The following ADGRB1 variants were observed in gnomAD, a reference collection of about 807,000 sequenced individuals.
ADGRB1 encodes adhesion G protein-coupled receptor B1.
Under a neutral mutation model 175.7 loss-of-function variants are expected in ADGRB1, and 36 were observed. The ratio of observed to expected loss-of-function variants is 0.20; its 90% CI spans 0.16 to 0.27. The LOEUF is 0.27. ADGRB1 is among the 10% of genes least tolerant of loss of function. The pLI, the probability that ADGRB1 is intolerant of heterozygous loss-of-function variation, is 1.00. For synonymous variants in ADGRB1, 1,054 were observed against 979.4 expected, an observed-to-expected ratio of 1.08 and a Z score of -1.42; for missense variants, 1,731 against 2,255.3, an observed-to-expected ratio of 0.77 and a Z score of 4.71.
chr8:142,523,384 A>G (rs1180233384), intron 22 of ADGRB1, among the ~76,000 whole-genome samples: 2 of 105,946 alleles, frequency 1.9e-5, no homozygotes, highest in African/African-American at 7.7e-5. Context: ...GGAGGAAGTG[A>G]CTGATGCTGG....
At chr8:142,467,667 G>GA (rs1840355121) in intron 2 of ADGRB1, among the ~76,000 whole-genome samples, 2 of 152,180 alleles carry the variant, frequency 1.3e-5, no homozygotes, top group African/African-American at 4.8e-5. Context: ...ATGGATGCTT[G>GA]AAAATAGCTT....
At chr8:142,460,183 G>GT (rs1162478242) in intron 1 of ADGRB1, among the ~76,000 whole-genome samples, 1 of 152,238 alleles carries the variant, frequency 6.6e-6, no homozygotes, top group Non-Finnish European at 1.5e-5. Flanking sequence ...GGGTGGCCCC[G>GT]TTGGAGGGTG....
Position 142,464,536 on chromosome 8 carries a change from C to T in ADGRB1, c.338C>T (p.Thr113Ile). The change falls in exon 2 of 31, where the codon ACC (threonine) becomes ATC (isoleucine). Residue 113 changes from threonine (T) to isoleucine (I), a missense_variant. Transcript: ENST00000517894. ...QFDSFLESTRTYLGVESFDEV... is the reference protein window; with the variant it reads ...QFDSFLESTRIYLGVESFDEV... Reference sequence around the variant, plus strand: ...GACTCCTTCCTCGAGTCCACGCGCACCTACCTGGGCGTGGAGAGCTTCGAC... The same window carrying T: ...GACTCCTTCCTCGAGTCCACGCGCATCTACCTGGGCGTGGAGAGCTTCGAC... 1 of 1,566,882 alleles carries T rather than the reference C, an allele frequency of 6.4e-7. No homozygotes were observed. Among genetic ancestry groups the T allele is most frequent in the Non-Finnish European group, 8.6e-7 (1 of 1,159,186 alleles).
chr8:142,452,264 T>A (rs566070039), intron 1 of ADGRB1, among the ~76,000 whole-genome samples: 1 of 152,180 alleles, frequency 6.6e-6, no homozygotes, highest in Admixed American at 6.5e-5. Flanking sequence ...AGCCCAGGGA[T>A]GCGCCAGAGA....
rs554107403 is a variant in ADGRB1, at chr8:142,475,692, G to A, written c.946+57G>A. ...GCCCTGGAGAGGCGGGGCCTGTGAG[G>A]GAGGAGAGGGGGGTGGGGCCCTGGA... is the stretch of plus-strand genomic sequence containing the variant. On this transcript the variant is annotated intron_variant, in intron 3 of 30. Coordinates refer to ENST00000517894, the MANE Select transcript of ADGRB1 (RefSeq NM_001702.3). 19 of 1,211,330 alleles carry A rather than the reference G, an allele frequency of 1.6e-5. No individual in the cohort carries two copies. In the African/African-American group the frequency reaches 2.1e-4, roughly 14 times the overall value. 75.0% of individuals were successfully genotyped at this position (1,211,330 alleles called of 1,614,324 possible).
intron 1 of ADGRB1, among the ~76,000 whole-genome samples, chr8:142,452,430 G>C (rs1383616849): frequency 6.6e-6 from 1 of 152,174 alleles, no homozygotes; most frequent in East Asian, 1.9e-4. Flanking sequence ...CACTCATCCG[G>C]ATCCCGGGCT....
intron 17 of ADGRB1, among the ~76,000 whole-genome samples, chr8:142,505,099 G>T (rs536049566): frequency 6.6e-6 from 1 of 152,132 alleles, no homozygotes; most frequent in Non-Finnish European, 1.5e-5. Context: ...CGCCCTCCCC[G>T]TCACTGTCCC....
chr8:142,467,235 G>C (rs1483838339), intron 2 of ADGRB1, among the ~76,000 whole-genome samples: 1 of 152,244 alleles, frequency 6.6e-6, no homozygotes, highest in Admixed American at 6.5e-5. Flanking sequence ...AAGGGCCTTA[G>C]CAGGGCTTTG....
chr8:142,484,829 G>A (rs1841577891), intron 13 of ADGRB1, 65 bp downstream of exon 13: 8 of 1,256,844 alleles, frequency 6.4e-6, no homozygotes, highest in Middle Eastern at 1.9e-4. Flanking sequence ...AGGCCCTTCT[G>A]CCTCAGCATC....
intron 27 of ADGRB1, chr8:142,539,700 G>T: frequency 1.8e-6 from 1 of 549,820 alleles, no homozygotes; most frequent in South Asian, 2.2e-5. Flanking sequence ...CCTGTGGAGC[G>T]CCTGGCTGCG....
chr8:142,459,647 T>C (rs531130419), intron 1 of ADGRB1, among the ~76,000 whole-genome samples: 3 of 152,336 alleles, frequency 2.0e-5, no homozygotes, highest in Admixed American at 2.0e-4. Flanking sequence ...TGTGTGTTCA[T>C]GCTCACATAT....
intron 3 of ADGRB1, among the ~76,000 whole-genome samples, chr8:142,475,896 C>CGGGGCTGGCCCGGGGGAGTG (rs1840944199): frequency 6.9e-6 from 1 of 145,216 alleles, no homozygotes; most frequent in Non-Finnish European, 1.5e-5. Context: ...GACCTAAACT[C>CGGGGCTGGCCCGGGGGAGTG]GGGGCTGGCC....
intron 1 of ADGRB1, among the ~76,000 whole-genome samples, chr8:142,450,601 G>C (rs1278519557): frequency 6.6e-6 from 1 of 150,818 alleles, no homozygotes; most frequent in Non-Finnish European, 1.5e-5. Context: ...TGCTAATCAC[G>C]TCCAGGGCCC....
Position 142,489,448 on chromosome 8 carries a change from G to A in ADGRB1, c.2631+10G>A, listed in dbSNP as rs749030603. 2.1e-5 allele frequency: 34 copies of A among 1,610,152 alleles called. No individual in the cohort carries two copies. The highest frequency in any genetic ancestry group is 2.5e-5 in the Non-Finnish European group (29 of 1,177,626). ...TGCCCACATGTATAATGTGAGTGCC[G>A]TCCACGTGCACACTCTGATGCCAGC... is the stretch of plus-strand genomic sequence containing the variant. On this transcript the variant is annotated intron_variant, in intron 16 of 30. Transcript: ENST00000517894.
intron 13 of ADGRB1, among the ~76,000 whole-genome samples, chr8:142,487,493 G>A (rs112440586): frequency 4.6e-5 from 7 of 152,256 alleles, no homozygotes; most frequent in East Asian, 1.9e-4. Context: ...CATCCGTGCC[G>A]CCCACTGCAT....
rs979009456 is a variant in ADGRB1 at position 142,520,676 on chromosome 8, G to A, written c.2922-147G>A. ...ATGGTGTAATGGTGGTGATGGTGGC[G>A]GTGATGATGGTCATGGTGGTGGTGC... On this transcript the variant is annotated intron_variant, in intron 19 of 30. Coordinates refer to ENST00000517894, the MANE Select transcript of ADGRB1 (RefSeq NM_001702.3). 8.3e-5 allele frequency: 52 copies of A among 629,122 alleles called. 1 individual carries two copies. The highest frequency in any genetic ancestry group is 3.9e-4 in the African/African-American group (17 of 43,216). The allele number at this position is 629,122 out of a possible 1,614,324, so 39.0% of individuals were successfully genotyped here. A position where few individuals can be genotyped will look rare whatever the true frequency, so the allele number is the denominator to read the frequency against.
At chr8:142,470,104 A>T (rs1840574924) in intron 2 of ADGRB1, among the ~76,000 whole-genome samples, 1 of 151,826 alleles carries the variant, frequency 6.6e-6, no homozygotes, top group South Asian at 2.1e-4. Flanking sequence ...CACGCGTCAG[A>T]CTCTGCAAAC....
At position 142,460,137 on chromosome 8, in the gene ADGRB1, GC is replaced by G. The variant is rs1839899821; in HGVS notation, c.-219-3840del. Among the ~76,000 whole-genome samples the G allele has an allele frequency of 2.0e-5, 3 of 152,268 alleles. No homozygotes were observed. The South Asian group carries it at 6.2e-4, about 31-fold the overall frequency. ...CACCCCCGGCCTTGGCCAGCTCTCT[GC>G]CCGCCTGGGCCTGCCTTGGTGTGAG... On this transcript the variant is annotated intron_variant, in intron 1 of 30. Transcript: ENST00000517894.
Position 142,481,358 on chromosome 8 carries a change from A to T in ADGRB1, c.1933A>T (p.Met645Leu). 1 of 1,613,680 alleles carries T rather than the reference A, an allele frequency of 6.2e-7. No homozygotes were observed. Among genetic ancestry groups the T allele is most frequent in the South Asian group, 1.1e-5 (1 of 91,078 alleles). The change falls in exon 10 of 31, where the codon ATG (methionine) becomes TTG (leucine). Residue 645 changes from methionine to leucine, a missense_variant and splice_region_variant. Met to Leu is a conservative substitution (Grantham distance 15). Around this residue, in one of 8 missense-constraint regions of ADGRB1, gnomAD observed 388 missense variants for 630.9 expected, o/e 0.61. Transcript: ENST00000517894. ...VSIDYRNIQM[M>L]TREHLAKAQR... ...CATTGACTACAGAAACATCCAGATG[A>T]TGGTGAGGGCCAGTTCCCGGGGGTC...
Sources: gnomAD v4.1 joint callset for allele counts (sites outside exome capture counted in the v4.1 genomes callset) on GRCh38, gnomAD v4.1.1 for gene constraint, gnomAD v4.1.1 regional missense constraint, MANE v1.5 for transcripts, NCBI Gene and HGNC (gene_info 2026-07-23, HGNC 2026-07-21) for gene names.